Variants in FAM184A observed in about 807,000 individuals in gnomAD.
FAM184A encodes the protein family with sequence similarity 184 member A.
A neutral mutation model predicts 143.8 loss-of-function variants in FAM184A; 99 were observed. That is an observed-to-expected ratio of 0.69 (90% CI 0.58 to 0.81). The LOEUF (loss-of-function observed/expected upper bound fraction) is 0.81. Ranked by LOEUF, FAM184A falls within the 40% of genes least tolerant of loss-of-function variation. The probability of loss-of-function intolerance (pLI) is 0.00; values close to 1 mark genes in which losing one functional copy is unlikely to be tolerated. For synonymous variants in FAM184A, 427 were observed against 446.4 expected (o/e 0.96, Z 0.55); for missense variants, 1,217 against 1,310.5 (o/e 0.93, Z 1.10).
chr6:119,107,644 G>A (rs900997999), intron 1 of FAM184A, among the ~76,000 whole-genome samples: 1 of 152,092 alleles, frequency 6.6e-6, no homozygotes, highest in Admixed American at 6.6e-5. Context: ...TGGGCATGGT[G>A]GCATGCACCT....
chr6:118,975,303 T>C, intron 12 of FAM184A, 95 bp from the exon 13 acceptor site: 2 of 901,274 alleles, frequency 2.2e-6, no homozygotes, highest in Non-Finnish European at 1.6e-6. Context: ...GAATGTCAAA[T>C]GTAATCATTC....
intron 9 of FAM184A, among the ~76,000 whole-genome samples, chr6:118,995,262 C>T (rs1170821532): frequency 6.6e-6 from 1 of 151,826 alleles, no homozygotes; most frequent in Non-Finnish European, 1.5e-5. Context: ...ACAAAAAATG[C>T]AAAAATTAAC....
At chr6:119,083,270 C>T (rs992552114), upstream of FAM184A, among the ~76,000 whole-genome samples, 1 of 152,236 alleles carries the variant, frequency 6.6e-6, no homozygotes, top group African/African-American at 2.4e-5. Context: ...CCAGGAAGAT[C>T]TCTGAAATGC....
At chr6:119,053,395 T>A in intron 1 of FAM184A, among the ~76,000 whole-genome samples, 1 of 152,182 alleles carries the variant, frequency 6.6e-6, no homozygotes, top group East Asian at 1.9e-4. Flanking sequence ...CTATTATAAC[T>A]CAGGCACCTC....
intron 1 of FAM184A, among the ~76,000 whole-genome samples, chr6:119,087,979 A>G (rs1011468712): frequency 6.6e-6 from 1 of 152,234 alleles, no homozygotes; most frequent in Non-Finnish European, 1.5e-5. Context: ...GAAATAAGCC[A>G]GTTACAAAAG....
At position 119,016,878 on chromosome 6, in the gene FAM184A, T is replaced by C. The variant is rs1292477866; in HGVS notation, c.1399A>G (p.Arg467Gly). ...AATTGAGTCACCTCCTCTTCCAATC[T>C]ACTTTGCAGGTTTTTAAGTTCCCTT... ...YERELKNLQS[R>G]LEEEVTQLNE... The change falls in exon 5 of 18, where the codon AGA becomes GGA. Residue 467 changes from arginine (R) to glycine (G), a missense_variant. Coordinates refer to ENST00000338891, the MANE Select transcript of FAM184A (RefSeq NM_024581.6). 2 of 1,614,024 alleles carry C rather than the reference T, an allele frequency of 1.2e-6. No individual in the cohort carries two copies. Among genetic ancestry groups the C allele is most frequent in the Non-Finnish European group, 1.7e-6 (2 of 1,179,896 alleles).
At chr6:119,023,909 T>G (rs769877589) in intron 2 of FAM184A, 50 bp downstream of exon 2, 1 of 1,494,346 alleles carries the variant, frequency 6.7e-7, no homozygotes, top group Non-Finnish European at 8.9e-7. Flanking sequence ...AAAACAAATA[T>G]TTTTAAAAGA....
intron 9 of FAM184A, among the ~76,000 whole-genome samples, chr6:119,001,196 T>G (rs1784745342): frequency 6.7e-6 from 1 of 150,156 alleles, no homozygotes; most frequent in Non-Finnish European, 1.5e-5. Context: ...GGCATCTTTT[T>G]GTGCACTTGT....
rs761127371 is a variant in FAM184A at position 119,016,800 on chromosome 6, C to T, written c.1477G>A (p.Ala493Thr). The T allele has an allele frequency of 6.8e-6, 11 of 1,614,106 alleles. No individual in the cohort carries two copies. The highest frequency in any genetic ancestry group is 2.2e-5 in the East Asian group (1 of 44,866). Residue 493 changes from alanine (A) to threonine (T), a missense_variant, in exon 5 of 18, where the codon GCA becomes ACA. Coordinates refer to ENST00000338891, the MANE Select transcript of FAM184A (RefSeq NM_024581.6). ...GCATTACTGTGGACAGCTTCAATTG[C>T]CATATGGTGCTTCCAAGCTAATTCT... ...LEELAWKHHM[A>T]IEAVHSNAIR...
intron 14 of FAM184A, among the ~76,000 whole-genome samples, chr6:118,969,961 G>GA (rs1190974051): frequency 5.5e-5 from 5 of 90,482 alleles, no homozygotes; most frequent in South Asian, 3.8e-4. Context: ...CTAATCACAA[G>GA]AAAAAAAAAT....
intron 12 of FAM184A, among the ~76,000 whole-genome samples, 191 bp from the exon 13 acceptor site, chr6:118,975,399 T>C (rs1783816397): frequency 6.6e-6 from 1 of 152,224 alleles, no homozygotes; most frequent in Non-Finnish European, 1.5e-5. Flanking sequence ...TGTATATGGA[T>C]ATAGCTTCAA....
chr6:118,972,670 A>G (rs1279767417), intron 14 of FAM184A, among the ~76,000 whole-genome samples: 1 of 152,230 alleles, frequency 6.6e-6, no homozygotes, highest in Non-Finnish European at 1.5e-5. Flanking sequence ...GTGCAAAACC[A>G]TATGCAACAG....
intron 1 of FAM184A, among the ~76,000 whole-genome samples, chr6:119,113,238 A>T (rs1429438424): frequency 1.3e-5 from 2 of 152,180 alleles, no homozygotes; most frequent in Non-Finnish European, 2.9e-5. Flanking sequence ...CTGAAACATT[A>T]CAACTGTGGC....
rs1317478791 is a variant in FAM184A, at chr6:119,084,774, A to T, written c.-201-59961T>A. ...CTTACACATACAGGTTTTTCCATAC[A>T]CCCTCTGAAATCTAGGCAGTGGCTC... On this transcript the variant is annotated intron_variant, in intron 1 of 16. Coordinates refer to the FAM184A transcript ENST00000352896. Among the ~76,000 whole-genome samples, 4 of 152,102 alleles carry T rather than the reference A, an allele frequency of 2.6e-5. No individual in the cohort carries two copies. In the East Asian group the frequency reaches 7.7e-4, roughly 29 times the overall value.
At chr6:119,033,703 C>T (rs547189644) in intron 1 of FAM184A, among the ~76,000 whole-genome samples, 10 of 144,172 alleles carry the variant, frequency 6.9e-5, no homozygotes, top group African/African-American at 2.3e-4. Context: ...AAAGAAGTTA[C>T]AGAATTAGGC....
At chr6:119,109,248 T>C (rs1788868555) in intron 1 of FAM184A, among the ~76,000 whole-genome samples, 1 of 152,198 alleles carries the variant, frequency 6.6e-6, no homozygotes, top group Admixed American at 6.5e-5. Flanking sequence ...TCCAACTAAA[T>C]TATAAGTGTC....
chr6:119,009,764 G>A (rs1785034450), intron 6 of FAM184A, among the ~76,000 whole-genome samples: 1 of 152,074 alleles, frequency 6.6e-6, no homozygotes, highest in Non-Finnish European at 1.5e-5. Context: ...TTTTGTGTCT[G>A]TCTGTCCATA....
intron 1 of FAM184A, among the ~76,000 whole-genome samples, chr6:119,125,915 A>G (rs1402342510): frequency 6.6e-6 from 1 of 152,166 alleles, no homozygotes; most frequent in African/African-American, 2.4e-5. Flanking sequence ...TAGAGGGTCT[A>G]TTCATTTTCT....
chr6:118,969,585 C>T (rs903183674), intron 14 of FAM184A, among the ~76,000 whole-genome samples: 11 of 152,198 alleles, frequency 7.2e-5, no homozygotes, highest in Admixed American at 7.2e-4. Flanking sequence ...CTTCAGTTGC[C>T]GCAGGCAGCT....
Sources: gnomAD v4.1 joint callset for allele counts (sites outside exome capture counted in the v4.1 genomes callset) on GRCh38, gnomAD v4.1.1 for gene constraint, MANE v1.5 for transcripts, NCBI Gene and HGNC (gene_info 2026-07-23, HGNC 2026-07-21) for gene names.